The following PRKG1 variants were observed in gnomAD, a reference collection of about 807,000 sequenced individuals.
PRKG1 encodes the protein protein kinase cGMP-dependent 1, also known as cGMP-dependent protein kinase 1.
A neutral mutation model predicts 88.1 loss-of-function variants in PRKG1; 35 were observed. The ratio of observed to expected loss-of-function variants is 0.40; its 90% CI spans 0.30 to 0.53. The LOEUF (loss-of-function observed/expected upper bound fraction) is 0.53, where lower values mean the gene tolerates loss of function less well. Among genes scored for constraint, PRKG1 ranks in the 20% least tolerant of loss-of-function variants. The probability of loss-of-function intolerance (pLI) is 0.59; values close to 1 mark genes in which losing one functional copy is unlikely to be tolerated. For missense variants in PRKG1, 540 were observed against 839.8 expected, an observed-to-expected ratio of 0.64 and a Z score of 4.41; for synonymous variants, 303 against 292.5, an observed-to-expected ratio of 1.04 and a Z score of -0.37.
intron 1 of PRKG1, among the ~76,000 whole-genome samples, chr10:51,010,297 G>T (rs1842978731): frequency 6.6e-6 from 1 of 152,226 alleles, no homozygotes; most frequent in South Asian, 2.1e-4. Context: ...ACTCAGATTT[G>T]CACAGGGCAA....
At chr10:51,848,832 G>A (rs1439957531) in intron 4 of PRKG1, among the ~76,000 whole-genome samples, 1 of 150,026 alleles carries the variant, frequency 6.7e-6, no homozygotes, top group Non-Finnish European at 1.5e-5. Context: ...TAAGCAAAGA[G>A]TCTATGGTTT....
At chr10:51,543,896 C>T (rs1842378120) in intron 3 of PRKG1, among the ~76,000 whole-genome samples, 1 of 152,106 alleles carries the variant, frequency 6.6e-6, no homozygotes, top group Non-Finnish European at 1.5e-5. Context: ...GGAAAACTCT[C>T]CTTATATAAT....
At chr10:51,143,704 A>AT (rs903740991) in intron 1 of PRKG1, among the ~76,000 whole-genome samples, 2 of 151,966 alleles carry the variant, frequency 1.3e-5, no homozygotes, top group Non-Finnish European at 2.9e-5. Flanking sequence ...TTTGATTTGC[A>AT]TTTTCCTGAA....
intron 3 of PRKG1, among the ~76,000 whole-genome samples, chr10:51,492,603 G>A (rs939984947): frequency 6.6e-6 from 1 of 152,000 alleles, no homozygotes; most frequent in Non-Finnish European, 1.5e-5. Flanking sequence ...ATTTACATAA[G>A]CATGTAAATT....
intron 9 of PRKG1, among the ~76,000 whole-genome samples, chr10:52,233,049 C>T (rs1462353660): frequency 1.3e-5 from 2 of 152,130 alleles, no homozygotes; most frequent in Non-Finnish European, 2.9e-5. Flanking sequence ...CAAGGTAGTG[C>T]TCCTATCACT....
intron 9 of PRKG1, among the ~76,000 whole-genome samples, chr10:52,219,558 TAACA>T (rs1840193199): frequency 6.6e-6 from 1 of 152,184 alleles, no homozygotes; most frequent in Middle Eastern, 3.2e-3. Context: ...CAGTGCCTAA[TAACA>T]AACAACAAAG....
chr10:52,268,803 T>G (rs1198474245), intron 10 of PRKG1, among the ~76,000 whole-genome samples: 1 of 152,070 alleles, frequency 6.6e-6, no homozygotes, highest in Non-Finnish European at 1.5e-5. Flanking sequence ...AACATTTGAT[T>G]TGCCCTATTC....
At chr10:51,121,119 G>T (rs1005828857) in intron 1 of PRKG1, among the ~76,000 whole-genome samples, 1 of 152,210 alleles carries the variant, frequency 6.6e-6, no homozygotes. Flanking sequence ...CATCTCTCCT[G>T]TCTCCCTCAC....
At chr10:51,368,168 T>C (rs1432840043) in intron 2 of PRKG1, among the ~76,000 whole-genome samples, 1 of 152,064 alleles carries the variant, frequency 6.6e-6, no homozygotes, top group Non-Finnish European at 1.5e-5. Context: ...ATTTTTGCAA[T>C]GTGAATATTA....
intron 1 of PRKG1, among the ~76,000 whole-genome samples, chr10:51,009,640 T>TGG (rs1268166375): frequency 6.6e-6 from 1 of 152,228 alleles, no homozygotes; most frequent in Non-Finnish European, 1.5e-5. Flanking sequence ...AATTATACAA[T>TGG]GGACATTCCA....
chr10:51,107,774 T>A (rs1303069289), intron 1 of PRKG1, among the ~76,000 whole-genome samples: 1 of 124,420 alleles, frequency 8.0e-6, no homozygotes, highest in African/African-American at 3.2e-5. Flanking sequence ...CAGTGAGCCA[T>A]GACTCCAGCC....
chr10:51,786,447 G>A (rs990425614), intron 3 of PRKG1, among the ~76,000 whole-genome samples: 32 of 152,082 alleles, frequency 2.1e-4, no homozygotes, highest in African/African-American at 7.5e-4. Context: ...AATTTGACCA[G>A]CCTTCTTTTC....
intron 1 of PRKG1, among the ~76,000 whole-genome samples, chr10:51,009,403 C>T (rs1842969683): frequency 6.6e-6 from 1 of 152,166 alleles, no homozygotes; most frequent in Non-Finnish European, 1.5e-5. Context: ...TTAAATAGTT[C>T]TCCCACCTCC....
rs147071181 is a variant in PRKG1 at position 51,284,101 on chromosome 10, A to G, written c.478+130771A>G. Among the ~76,000 whole-genome samples the G allele has an allele frequency of 3.4e-3, 520 of 152,346 alleles. 3 individuals carry two copies. The highest frequency in any genetic ancestry group is 0.017 in the Middle Eastern group (5 of 294). ...AGAATTTGGAAATAAAATATTTATA[A>G]AGTTTCTATTCCAGGTAGCAAGAAA... On this transcript the variant is annotated intron_variant, in intron 2 of 17. Coordinates refer to ENST00000373980, the MANE Select transcript of PRKG1 (RefSeq NM_006258.4).
intron 2 of PRKG1, among the ~76,000 whole-genome samples, chr10:51,366,981 T>C (rs1842604006): frequency 6.6e-6 from 1 of 151,890 alleles, no homozygotes; most frequent in Admixed American, 6.6e-5. Context: ...TTCTGAGCCA[T>C]TGCACCATTA....
intron 9 of PRKG1, among the ~76,000 whole-genome samples, chr10:52,193,011 T>C (rs1275766741): frequency 2.6e-5 from 4 of 152,196 alleles, no homozygotes; most frequent in Admixed American, 6.5e-5. Flanking sequence ...TGGCCTATAA[T>C]ATTTTTAGTT....
intron 3 of PRKG1, among the ~76,000 whole-genome samples, chr10:51,748,323 G>C (rs1837632576): frequency 6.6e-6 from 1 of 152,124 alleles, no homozygotes; most frequent in Non-Finnish European, 1.5e-5. Context: ...TTATAGTTTG[G>C]CCTGTTGTGT....
Position 51,334,076 on chromosome 10 carries a change from C to G in PRKG1, c.479-133647C>G, listed in dbSNP as rs79835423. Among the ~76,000 whole-genome samples, 1,222 of 151,646 alleles carry G rather than the reference C, an allele frequency of 8.1e-3. 10 individuals carry two copies. The highest frequency in any genetic ancestry group is 0.014 in the Non-Finnish European group (949 of 67,792). ...AGGCCATTTATGTCTCATCTCTTGCCTCTGGTCTTCTTCCCATGCTGGTTT... is the reference window on the plus strand; with the variant it reads ...AGGCCATTTATGTCTCATCTCTTGCGTCTGGTCTTCTTCCCATGCTGGTTT... On this transcript the variant is annotated intron_variant, in intron 2 of 17. Transcript: ENST00000373980.
chr10:51,969,889 A>T (rs891543708), intron 5 of PRKG1, among the ~76,000 whole-genome samples: 6 of 151,914 alleles, frequency 3.9e-5, no homozygotes, highest in Non-Finnish European at 8.8e-5. Flanking sequence ...AAACTTACAG[A>T]AAAGTTGAAA....
Sources: allele counts gnomAD v4.1 joint callset (sites outside exome capture counted in the v4.1 genomes callset), GRCh38; gene constraint gnomAD v4.1.1; transcripts MANE v1.5; gene names NCBI Gene and HGNC (gene_info 2026-07-23, HGNC 2026-07-21).